Variants in NTRK3 observed in about 807,000 individuals in gnomAD.
The protein encoded by NTRK3 is neurotrophic receptor tyrosine kinase 3.
NTRK3 carries 24 observed loss-of-function variants against 91.7 expected under a neutral mutation model. That is an observed-to-expected ratio of 0.26 (90% CI 0.19 to 0.37). The LOEUF (loss-of-function observed/expected upper bound fraction) is 0.37, where lower values mean the gene tolerates loss of function less well. NTRK3 is among the 10% of genes least tolerant of loss of function. The probability of loss-of-function intolerance (pLI) is 1.00; values close to 1 mark genes in which losing one functional copy is unlikely to be tolerated. For synonymous variants in NTRK3, 483 were observed against 404.0 expected, an observed-to-expected ratio of 1.20 and a Z score of -2.34; for missense variants, 880 against 1,068.9, an observed-to-expected ratio of 0.82 and a Z score of 2.46.
chr15:87,964,631 C>T (rs987543615), intron 14 of NTRK3, among the ~76,000 whole-genome samples: 2 of 152,124 alleles, frequency 1.3e-5, no homozygotes, highest in Non-Finnish European at 2.9e-5. Context: ...ACCCTGGGTC[C>T]ATTTATAGTT....
chr15:88,243,202 C>T lies in NTRK3; in HGVS notation c.248+12704G>A, dbSNP rs78170877. On this transcript the variant is annotated intron_variant, in intron 3 of 18. Transcript: ENST00000394480. This position sits in a 1 kb window ranked among gnomAD's most constrained non-coding sequence, Gnocchi z 4.8. ...GCACCCCTCCTCCACGCCCTTGCCC[C>T]CTCCCCACTTCTTATGTTATTTCCC... is the stretch of plus-strand genomic sequence containing the variant. 3.3e-3 allele frequency among the ~76,000 whole-genome samples: 500 copies of T among 152,268 alleles called. 4 individuals are homozygous for T. The highest frequency in any genetic ancestry group is 0.011 in the African/African-American group (468 of 41,558).
intron 3 of NTRK3, among the ~76,000 whole-genome samples, chr15:88,186,298 C>A (rs1262322680): frequency 6.6e-6 from 1 of 152,174 alleles, no homozygotes; most frequent in East Asian, 1.9e-4. Context: ...TGTGTTGTTA[C>A]GGTTGAGTTG....
intron 13 of NTRK3, among the ~76,000 whole-genome samples, chr15:88,099,521 C>T (rs2150851991): frequency 6.6e-6 from 1 of 152,216 alleles, no homozygotes; most frequent in East Asian, 1.9e-4. Flanking sequence ...GCCAGGTATT[C>T]CCTGAAACTC....
intron 18 of NTRK3, 33 bp downstream of exon 19, chr15:87,880,237 C>T (rs2141465016): frequency 6.2e-7 from 1 of 1,613,624 alleles, no homozygotes. Context: ...TGAGCCCTCC[C>T]CCAATCAAGA....
chr15:87,931,975 T>C (rs1269501539), intron 16 of NTRK3, among the ~76,000 whole-genome samples: 1 of 152,248 alleles, frequency 6.6e-6, no homozygotes, highest in Non-Finnish European at 1.5e-5. Flanking sequence ...ATACAGGGCC[T>C]GTGTGTTTAA....
At chr15:87,905,606 T>A (rs76467952) in intron 17 of NTRK3, among the ~76,000 whole-genome samples, 5,543 of 152,306 alleles carry the variant, frequency 0.036, 128 homozygotes, top group African/African-American at 0.067. Flanking sequence ...GAGGTCAGTC[T>A]GTGGATTCCA....
chr15:87,912,927 AAAAAAT>A (rs1289542052), intron 17 of NTRK3, among the ~76,000 whole-genome samples: 43 of 96,276 alleles, frequency 4.5e-4, no homozygotes, highest in East Asian at 6.6e-4. Context: ...AAAAAGTAAA[AAAAAAT>A]ATATATATAT....
chr15:88,130,931 G>T (rs973508618), intron 10 of NTRK3, among the ~76,000 whole-genome samples: 4 of 152,242 alleles, frequency 2.6e-5, no homozygotes, highest in Admixed American at 1.3e-4. Context: ...TTGCATCGTG[G>T]TTAGGTAAGA....
At position 88,255,989 on chromosome 15, in the gene NTRK3, G is replaced by A; in HGVS notation, c.165C>T (p.Pro55=). The change falls in exon 3 of 19, where the codon CCC becomes CCT. Residue 55 remains proline (P), a synonymous_variant. Coordinates refer to ENST00000394480, the Ensembl canonical transcript of NTRK3. The surrounding 1 kb of genome is among the most constrained non-coding windows in gnomAD (Gnocchi z 4.3). ...TCCCTGAATCCTGCCCTTCCAGGAG[G>A]GGGAAGAGGTTCCCATCGTCCGGCC... The A allele has an allele frequency of 6.2e-7, 1 of 1,613,680 alleles. No individual in the cohort carries two copies. Among genetic ancestry groups the A allele is most frequent in the Non-Finnish European group, 8.5e-7 (1 of 1,179,812 alleles).
At chr15:87,981,809 T>C (rs924581907) in intron 14 of NTRK3, among the ~76,000 whole-genome samples, 12 of 152,058 alleles carry the variant, frequency 7.9e-5, no homozygotes, top group Admixed American at 7.9e-4. Flanking sequence ...ATCAAAAAAA[T>C]TCAGCTAATT....
chr15:88,030,323 G>A (rs2078408652), intron 14 of NTRK3, among the ~76,000 whole-genome samples: 1 of 152,148 alleles, frequency 6.6e-6, no homozygotes, highest in Admixed American at 6.5e-5. Context: ...TTGCCTAGTG[G>A]GATGAGTCCT....
chr15:88,256,121 A>G, exon 3 of NTRK3: 1 of 1,594,666 alleles, frequency 6.3e-7, no homozygotes, highest in Non-Finnish European at 8.6e-7. Context: ...TCCGCCAGAA[A>G]CTACACTTGG....
At chr15:88,238,190 A>C (rs1275829475) in intron 3 of NTRK3, among the ~76,000 whole-genome samples, 2 of 152,194 alleles carry the variant, frequency 1.3e-5, no homozygotes, top group Non-Finnish European at 2.9e-5. Flanking sequence ...AGCCTCCGGA[A>C]CCATAAAAAA....
intron 5 of NTRK3, among the ~76,000 whole-genome samples, chr15:88,170,883 A>G (rs1191677974): frequency 2.6e-5 from 4 of 152,172 alleles, no homozygotes; most frequent in African/African-American, 9.7e-5. Flanking sequence ...AGTCCCATCT[A>G]GCCAGGTCAC....
rs982779506 is a variant in NTRK3 at position 88,051,112 on chromosome 15, G to C, written c.1397-18067C>G. The stretch of plus-strand genomic sequence containing the variant: ...CTAACCACATCTCCTACCAGCAATT[G>C]AGTAAAAGTACACGTCTGCTGTTCC... On this transcript the variant is annotated intron_variant, in intron 13 of 18. Coordinates refer to ENST00000394480, the Ensembl canonical transcript of NTRK3. Among the ~76,000 whole-genome samples the C allele has an allele frequency of 7.2e-5, 11 of 152,118 alleles. No individual in the cohort carries two copies. The East Asian group carries it at 2.1e-3, about 29-fold the overall frequency.
At chr15:88,188,510 T>C (rs567868398) in intron 3 of NTRK3, among the ~76,000 whole-genome samples, 91 of 152,314 alleles carry the variant, frequency 6.0e-4, no homozygotes, top group African/African-American at 2.1e-3. Flanking sequence ...AGCACCAGGA[T>C]TGAGAAATCC....
At chr15:88,065,288 T>C (rs1049225459) in intron 13 of NTRK3, among the ~76,000 whole-genome samples, 4 of 152,188 alleles carry the variant, frequency 2.6e-5, no homozygotes, top group Non-Finnish European at 4.4e-5. Flanking sequence ...GAAATCCATA[T>C]AATCATAGCT....
intron 3 of NTRK3, among the ~76,000 whole-genome samples, chr15:88,246,066 C>T (rs977919897): frequency 2.0e-5 from 3 of 152,164 alleles, no homozygotes; most frequent in African/African-American, 7.2e-5. Flanking sequence ...GAGTCACAGG[C>T]CCCAGACCAG....
chr15:88,089,275 C>T (rs2048793459), intron 13 of NTRK3, among the ~76,000 whole-genome samples: 1 of 152,190 alleles, frequency 6.6e-6, no homozygotes, highest in Admixed American at 6.5e-5. Context: ...GCTCAGTTAT[C>T]TGCAAAGTAA....
Sources: gnomAD v4.1 joint callset for allele counts (sites outside exome capture counted in the v4.1 genomes callset) on GRCh38, gnomAD v4.1.1 for gene constraint, Gnocchi (gnomAD v3.1) non-coding constraint, MANE v1.5 for transcripts, NCBI Gene and HGNC (gene_info 2026-07-23, HGNC 2026-07-21) for gene names.